The following SLC16A12 variants were observed in gnomAD, a reference collection of about 807,000 sequenced individuals.
SLC16A12 encodes monocarboxylate transporter 12.
In SLC16A12, 17 loss-of-function variants were observed where a neutral mutation model predicts 42.4. The ratio of observed to expected loss-of-function variants is 0.40; its 90% CI spans 0.27 to 0.60. The LOEUF (loss-of-function observed/expected upper bound fraction) is 0.60. SLC16A12 is among the 20% of genes least tolerant of loss of function. SLC16A12 has a pLI of 0.42. For synonymous variants in SLC16A12, 224 were observed against 229.4 expected (o/e 0.98, Z 0.21); for missense variants, 544 against 623.0 (o/e 0.87, Z 1.35).
rs2133839357 is a variant in SLC16A12, at chr10:89,511,667, C to T, written c.-47+22834G>A. ...TGATGGGTGCAGCAAACCAACATGG[C>T]ACATGTATACCTCTGTAACAAACCT... On this transcript the variant is annotated intron_variant, in intron 2 of 7. Coordinates refer to ENST00000371790, the MANE Select transcript of SLC16A12 (RefSeq NM_213606.4). Among the ~76,000 whole-genome samples the T allele has an allele frequency of 2.0e-5, 3 of 152,230 alleles. No homozygotes were observed. The South Asian group carries it at 6.2e-4, about 32-fold the overall frequency.
intron 2 of SLC16A12, among the ~76,000 whole-genome samples, chr10:89,480,698 T>G (rs1842648707): frequency 6.6e-6 from 1 of 152,202 alleles, no homozygotes; most frequent in African/African-American, 2.4e-5. Context: ...ACACACATAT[T>G]TCTTTTCTTG....
intron 2 of SLC16A12, among the ~76,000 whole-genome samples, chr10:89,483,337 TC>T (rs1386494719): frequency 6.6e-6 from 1 of 151,908 alleles, no homozygotes; most frequent in Non-Finnish European, 1.5e-5. Context: ...AAACATTGAG[TC>T]CATAACAGGA....
Position 89,493,214 on chromosome 10 carries a change from T to C in SLC16A12, c.-46-30590A>G, listed in dbSNP as rs117637461. The stretch of plus-strand genomic sequence containing the variant: ...AGTAAATAAATGAATTCACCTTTTT[T>C]CTTTCTTTTTTTTTTTTTTTGGTCT... On this transcript the variant is annotated intron_variant, in intron 2 of 7. Coordinates refer to ENST00000371790, the MANE Select transcript of SLC16A12 (RefSeq NM_213606.4). Among the ~76,000 whole-genome samples, 6 of 149,044 alleles carry C rather than the reference T, an allele frequency of 4.0e-5. No homozygotes were observed. In the East Asian group the frequency reaches 9.7e-4, roughly 24 times the overall value.
intron 2 of SLC16A12, among the ~76,000 whole-genome samples, chr10:89,528,582 T>C (rs950774889): frequency 1.3e-5 from 2 of 152,176 alleles, no homozygotes; most frequent in African/African-American, 4.8e-5. Context: ...GCTTTCCATA[T>C]AATGAATGGG....
intron 3 of SLC16A12, among the ~76,000 whole-genome samples, chr10:89,448,825 T>G (rs1283482193): frequency 5.9e-5 from 9 of 152,190 alleles, no homozygotes. Context: ...TTGTCCCTGT[T>G]TGCAGATGAC....
At chr10:89,461,868 G>A (rs56280029) in intron 3 of SLC16A12, among the ~76,000 whole-genome samples, 10,253 of 152,188 alleles carry the variant, frequency 0.067, 498 homozygotes, top group East Asian at 0.21. Context: ...TGAAAATACT[G>A]TAGGACATTT....
At chr10:89,448,945 CATTCCTAT>C (rs1192219834) in intron 3 of SLC16A12, among the ~76,000 whole-genome samples, 3 of 152,168 alleles carry the variant, frequency 2.0e-5, no homozygotes, top group African/African-American at 7.2e-5. Flanking sequence ...AAATCACAAG[CATTCCTAT>C]ACACTAATAA....
chr10:89,511,714 C>T (rs7084381), intron 2 of SLC16A12, among the ~76,000 whole-genome samples: 2,520 of 152,034 alleles, frequency 0.017, 73 homozygotes, highest in African/African-American at 0.056. Flanking sequence ...ACATGTACCC[C>T]GAACTTAAAG....
chr10:89,536,440 T>C (rs144751149), upstream of SLC16A12, among the ~76,000 whole-genome samples: 238 of 152,126 alleles, frequency 1.6e-3, 2 homozygotes, highest in African/African-American at 5.5e-3. Flanking sequence ...CAAAGGATGA[T>C]AGCGCCCACT....
intron 5 of SLC16A12, among the ~76,000 whole-genome samples, 197 bp from the exon 6 acceptor site, chr10:89,439,380 T>G (rs1564568784): frequency 6.6e-6 from 1 of 152,226 alleles, no homozygotes; most frequent in Non-Finnish European, 1.5e-5. Flanking sequence ...TATGACTTTC[T>G]TTTTAGGGAG....
At chr10:89,472,042 G>A (rs763021167) in intron 2 of SLC16A12, among the ~76,000 whole-genome samples, 3 of 152,070 alleles carry the variant, frequency 2.0e-5, no homozygotes, top group Non-Finnish European at 4.4e-5. Flanking sequence ...GGATATATGT[G>A]TTAGAAATAT....
Position 89,436,341 on chromosome 10 carries a change from A to G in SLC16A12, c.1029-22T>C, listed in dbSNP as rs367738140. ...ACACCTGTAGATTTGAAGAACAAGAATAAGTGCAGGAGGTACACATTCTGT... is the reference window on the plus strand; with the variant it reads ...ACACCTGTAGATTTGAAGAACAAGAGTAAGTGCAGGAGGTACACATTCTGT... On this transcript the variant is annotated intron_variant, in intron 6 of 7. Transcript: ENST00000371790. 2.5e-5 allele frequency: 41 copies of G among 1,613,944 alleles called. No homozygotes were observed. The African/African-American group carries it at 4.8e-4, about 19-fold the overall frequency.
intron 3 of SLC16A12, among the ~76,000 whole-genome samples, chr10:89,450,982 T>C (rs1842087481): frequency 6.6e-6 from 1 of 152,148 alleles, no homozygotes. Context: ...GTTAATTACT[T>C]AGAGAAAGAC....
Position 89,430,697 on chromosome 10 carries a change from A to G in SLC16A12, c.*2367T>C, listed in dbSNP as rs1484926804. 4.3e-6 allele frequency: 2 copies of G among 464,762 alleles called. No individual in the cohort carries two copies. The highest frequency in any genetic ancestry group is 8.9e-6 in the Non-Finnish European group (2 of 225,596). The allele number at this position is 464,762 out of a possible 1,614,324, so 28.8% of individuals were successfully genotyped here. ...AATGCTGCCTCAAAAGGGAAAGTAA[A>G]ATGCAAATCTATGCATGTATAAAGT... is the stretch of plus-strand genomic sequence containing the variant. On this transcript the variant is annotated 3_prime_UTR_variant, in exon 8 of 8. Coordinates refer to ENST00000371790, the MANE Select transcript of SLC16A12 (RefSeq NM_213606.4).
At chr10:89,449,799 AC>A (rs1842063615) in intron 3 of SLC16A12, among the ~76,000 whole-genome samples, 1 of 152,240 alleles carries the variant, frequency 6.6e-6, no homozygotes, top group African/African-American at 2.4e-5. Context: ...AGCAAAAGAA[AC>A]TACCATCAGA....
intron 6 of SLC16A12, among the ~76,000 whole-genome samples, chr10:89,437,394 A>G (rs2133684063): frequency 6.6e-6 from 1 of 152,332 alleles, no homozygotes; most frequent in East Asian, 1.9e-4. Context: ...AACATCACAA[A>G]ATAGTATAAG....
At chr10:89,543,959 G>A (rs983782894) in intron 2 of SLC16A12, among the ~76,000 whole-genome samples, 1 of 152,170 alleles carries the variant, frequency 6.6e-6, no homozygotes, top group African/African-American at 2.4e-5. Context: ...GCTATTTGAC[G>A]GCAGTAACTC....
Position 89,438,888 on chromosome 10 carries a change from G to A in SLC16A12, c.744C>T (p.Asp248=). 1.2e-6 allele frequency: 2 copies of A among 1,613,620 alleles called. No homozygotes were observed. Among genetic ancestry groups the A allele is most frequent in the Non-Finnish European group, 1.7e-6 (2 of 1,179,856 alleles). The change falls in exon 6 of 8, where the codon GAC becomes GAT. Residue 248 remains aspartate (D), a synonymous_variant. Transcript: ENST00000371790. ...QNHVCRTQKE[D]IKRVSPYSSL... is the part of the protein sequence containing the mutation. ...ATGAATAGGGAGACACCCGCTTAAT[G>A]TCTTCTTTCTGAGTTCTACACACAT... is the stretch of plus-strand genomic sequence containing the variant.
intron 2 of SLC16A12, among the ~76,000 whole-genome samples, chr10:89,482,660 TGTA>T (rs1368139831): frequency 1.3e-5 from 2 of 151,890 alleles, no homozygotes; most frequent in Non-Finnish European, 1.5e-5. Context: ...GGCGTGGGCC[TGTA>T]GTCCCAGCTA....
Sources: gnomAD v4.1 joint callset for allele counts (sites outside exome capture counted in the v4.1 genomes callset) on GRCh38, gnomAD v4.1.1 for gene constraint, MANE v1.5 for transcripts, NCBI Gene and HGNC (gene_info 2026-07-23, HGNC 2026-07-21) for gene names.